The following FLT4 variants were observed in gnomAD, a reference collection of about 807,000 sequenced individuals.
The protein encoded by FLT4 is fms related receptor tyrosine kinase 4, also known as vascular endothelial growth factor receptor 3.
A neutral mutation model predicts 163.2 loss-of-function variants in FLT4; 30 were observed. The observed-to-expected ratio is 0.18, with a 90% CI of 0.14 to 0.25. FLT4 has a LOEUF of 0.25. Ranked by LOEUF, FLT4 falls within the 10% of genes least tolerant of loss-of-function variation. The probability of loss-of-function intolerance (pLI) is 1.00; values close to 1 mark genes in which losing one functional copy is unlikely to be tolerated. For synonymous variants in FLT4, 884 were observed against 789.5 expected (o/e 1.12, Z -2.01); for missense variants, 1,510 against 1,863.8 (o/e 0.81, Z 3.50).
rs1248121000 is a variant in FLT4 at position 180,612,305 on chromosome 5, G to A, written c.3537+201C>T. ...CACACAGCACCTGGAGCAGGCAGTG[G>A]AGCTGTGCAGCGGGTGTGTACTCAA... On this transcript the variant is annotated intron_variant, in intron 26 of 29. Coordinates refer to ENST00000261937, the MANE Select transcript of FLT4 (RefSeq NM_182925.5). The A allele has an allele frequency of 1.0e-5, 6 of 602,474 alleles. No individual in the cohort carries two copies. The Admixed American group carries it at 1.7e-4, about 17-fold the overall frequency. 37.3% of individuals were successfully genotyped at this position (602,474 alleles called of 1,614,324 possible). A position where few individuals can be genotyped will look rare whatever the true frequency, so the allele number is the denominator to read the frequency against.
intron 1 of FLT4, among the ~76,000 whole-genome samples, chr5:180,635,866 T>C (rs1764637237): frequency 8.2e-6 from 1 of 121,686 alleles, no homozygotes; most frequent in Non-Finnish European, 1.7e-5. Flanking sequence ...TATGGGTGGA[T>C]GGGTGGGTGG....
At chr5:180,629,859 C>G in intron 5 of FLT4, 24 bp from the exon 6 acceptor site, 1 of 1,612,598 alleles carries the variant, frequency 6.2e-7, no homozygotes, top group Admixed American at 1.7e-5. Context: ...CACAGTGACT[C>G]CCACGCCCTC....
chr5:180,611,057 A>G (rs961267290), intron 27 of FLT4, among the ~76,000 whole-genome samples: 1 of 152,158 alleles, frequency 6.6e-6, no homozygotes, highest in Admixed American at 6.5e-5. Context: ...ACTCCGTCTC[A>G]AAAAAATAAA....
Position 180,622,931 on chromosome 5 carries a change from C to CG in FLT4, c.1549-93_1549-92insC, listed in dbSNP as rs1039394975. 16 of 792,832 alleles carry CG rather than the reference C, an allele frequency of 2.0e-5. 1 individual carries two copies. The Middle Eastern group carries it at 1.9e-3, about 93-fold the overall frequency. The allele number at this position is 792,832 out of a possible 1,614,324, so 49.1% of individuals were successfully genotyped here. A position where few individuals can be genotyped will look rare whatever the true frequency, so the allele number is the denominator to read the frequency against. On this transcript the variant is annotated intron_variant, in intron 11 of 29. Coordinates refer to ENST00000261937, the MANE Select transcript of FLT4 (RefSeq NM_182925.5). ...TGCAAGGAGGTCGCTGTGCACCACC[C>CG]CCCCCAATCATGGGGGAAACTGAGG...
chr5:180,647,785 G>A (rs933330746), intron 1 of FLT4, among the ~76,000 whole-genome samples: 1 of 152,132 alleles, frequency 6.6e-6, no homozygotes, highest in East Asian at 1.9e-4. Context: ...CCTCTCCATG[G>A]GGCGCCCAAC....
chr5:180,631,318 A>C (rs1764122802), intron 2 of FLT4, among the ~76,000 whole-genome samples: 1 of 151,958 alleles, frequency 6.6e-6, no homozygotes, highest in Non-Finnish European at 1.5e-5. Context: ...CTACAAATAC[A>C]AAAAATTAGC....
At chr5:180,633,692 A>C (rs576771835) in intron 1 of FLT4, among the ~76,000 whole-genome samples, 1 of 152,296 alleles carries the variant, frequency 6.6e-6, no homozygotes, top group Admixed American at 6.5e-5. Context: ...AAGTAAGTCC[A>C]TGCCAGGAAG....
chr5:180,630,302 G>T lies in FLT4; in HGVS notation c.436C>A (p.Leu146Ile). The T allele has an allele frequency of 6.2e-7, 1 of 1,612,172 alleles. No homozygotes were observed. The highest frequency in any genetic ancestry group is 1.3e-5 in the African/African-American group (1 of 75,056). The change falls in exon 4 of 30, where the codon CTC becomes ATC. Residue 146 changes from leucine to isoleucine, a missense_variant. Around this residue, in one of 5 missense-constraint regions of FLT4, gnomAD observed 163 missense variants for 281.1 expected, o/e 0.58. Transcript: ENST00000261937. This position sits in a 1 kb window ranked among gnomAD's most constrained non-coding sequence, Gnocchi z 6.3. ...ATGGCGTCCTTCCTGTTGACCAAGA[G>T]CGTGTCAGGCTTGTTGATGAATGGC... ...EQPFINKPDT[L>I]LVNRKDAMWV...
At chr5:180,619,186 GC>G in intron 19 of FLT4, 66 bp downstream of exon 19, 5 of 1,305,376 alleles carry the variant, frequency 3.8e-6, no homozygotes, top group Non-Finnish European at 3.9e-6. Context: ...TTGCACCCGC[GC>G]CCCCTCCCGC....
intron 1 of FLT4, among the ~76,000 whole-genome samples, chr5:180,649,219 C>T (rs1167338572): frequency 6.6e-6 from 1 of 151,850 alleles, no homozygotes; most frequent in Non-Finnish European, 1.5e-5. Flanking sequence ...CCGACGGAGA[C>T]GCGGATTCAG....
At chr5:180,622,442 C>T (rs2127819320) in intron 12 of FLT4, among the ~76,000 whole-genome samples, 1 of 151,674 alleles carries the variant, frequency 6.6e-6, no homozygotes, top group African/African-American at 2.4e-5. Flanking sequence ...GGTCTCAGGG[C>T]TTGGGAAGGG....
In FLT4 at chr5:180,602,757, G is replaced by C. The variant is rs1286140457; in HGVS notation, c.*435C>G. On this transcript the variant is annotated 3_prime_UTR_variant, in exon 30 of 30. Transcript: ENST00000261937. Reference sequence around the variant, plus strand: ...GTAGCTGTGTGCCTGAGGAGGAAAGGGCGTTTGGGAGACCTCTGCTCTCGT... The same window carrying C: ...GTAGCTGTGTGCCTGAGGAGGAAAGCGCGTTTGGGAGACCTCTGCTCTCGT... The C allele has an allele frequency of 4.3e-6, 2 of 467,876 alleles. No individual in the cohort carries two copies. The highest frequency in any genetic ancestry group is 3.1e-5 in the East Asian group (1 of 31,872). 29.0% of individuals were successfully genotyped at this position (467,876 alleles called of 1,614,324 possible). A position where few individuals can be genotyped will look rare whatever the true frequency, so the allele number is the denominator to read the frequency against.
intron 1 of FLT4, among the ~76,000 whole-genome samples, chr5:180,634,951 G>T (rs867978530): frequency 1.6e-3 from 1 of 636 alleles, no homozygotes; most frequent in Admixed American, 0.019. Context: ...GATGCATGGA[G>T]GGAAGTATGG....
In FLT4 at chr5:180,620,873, G is replaced by C. The variant is rs2127813121; in HGVS notation, c.2299+3C>G. ...AGTTGAGGGGTGCAGCCTGAGGCCA[G>C]ACCTTCCACGGCCACGCTGGCGGAG... On this transcript the variant is annotated splice_donor_region_variant and intron_variant, in intron 15 of 29. Transcript: ENST00000261937. This position sits in a 1 kb window ranked among gnomAD's most constrained non-coding sequence, Gnocchi z 4.4. 1 of 1,609,738 alleles carries C rather than the reference G, an allele frequency of 6.2e-7. No individual in the cohort carries two copies. Among genetic ancestry groups the C allele is most frequent in the Non-Finnish European group, 8.5e-7 (1 of 1,178,790 alleles).
rs888968348 is a variant in FLT4, at chr5:180,612,719, C to T, written c.3432-108G>A. 5 of 794,400 alleles carry T rather than the reference C, an allele frequency of 6.3e-6. No individual in the cohort carries two copies. The African/African-American group carries it at 8.5e-5, about 13-fold the overall frequency. The allele number at this position is 794,400 out of a possible 1,614,324, so 49.2% of individuals were successfully genotyped here. ...CTCACCCACTCTGCCCTCCTCCTGA[C>T]ACGTCTCCCACTCTTGTCCAGCTAC... On this transcript the variant is annotated intron_variant, in intron 25 of 29. Transcript: ENST00000261937.
rs757457589 is a variant in FLT4 at position 180,629,786 on chromosome 5, C to G, written c.726G>C (p.Leu242=). The G allele has an allele frequency of 3.1e-6, 5 of 1,612,382 alleles. No homozygotes were observed. Among genetic ancestry groups the G allele is most frequent in the Non-Finnish European group, 4.2e-6 (5 of 1,179,860 alleles). ...IQLLPRKSLE[L]LVGEKLVLNC... Reference sequence around the variant, plus strand: ...TCAGGACCAGCTTCTCCCCTACCAGCAGCTCCAGCGACTTCCTGGGCAACA... The same window carrying G: ...TCAGGACCAGCTTCTCCCCTACCAGGAGCTCCAGCGACTTCCTGGGCAACA... Residue 242 remains leucine, a synonymous_variant, in exon 6 of 30, where the codon CTG becomes CTC. Coordinates refer to ENST00000261937, the MANE Select transcript of FLT4 (RefSeq NM_182925.5).
In FLT4 at chr5:180,626,263, T is replaced by C; in HGVS notation, c.1106A>G (p.Tyr369Cys). 1 of 1,612,084 alleles carries C rather than the reference T, an allele frequency of 6.2e-7. No individual in the cohort carries two copies. The highest frequency in any genetic ancestry group is 8.5e-7 in the Non-Finnish European group (1 of 1,179,964). ...AAYPPPEFQW[Y>C]KDGKALSGRH... ...CCCGGACAGTGCCTTTCCATCCTTG[T>C]ACCTGGCCAGGGAAGGGAGGTCAGG... Residue 369 changes from tyrosine to cysteine, a missense_variant and splice_region_variant, in exon 9 of 30, where the codon TAC becomes TGC. Coordinates refer to ENST00000261937, the MANE Select transcript of FLT4 (RefSeq NM_182925.5).
intron 28 of FLT4, 127 bp downstream of exon 28, chr5:180,609,777 TG>T: frequency 8.4e-7 from 1 of 1,190,010 alleles, no homozygotes; most frequent in Non-Finnish European, 1.2e-6. Flanking sequence ...AGGCTCACCC[TG>T]GACTTGCACT....
In FLT4 at chr5:180,612,995, C is replaced by A. The variant is rs1432917986; in HGVS notation, c.3431+16G>T. ...CTTGCTGTCCCCAAAACCTGCAGGG[C>A]CATGGGGAGGCTCACATGGCGGGAG... On this transcript the variant is annotated intron_variant, in intron 25 of 29. Transcript: ENST00000261937. 1 of 1,597,418 alleles carries A rather than the reference C, an allele frequency of 6.3e-7. No individual in the cohort carries two copies. Among genetic ancestry groups the A allele is most frequent in the East Asian group, 2.2e-5 (1 of 44,680 alleles).
Sources: gnomAD v4.1 joint callset for allele counts (sites outside exome capture counted in the v4.1 genomes callset) on GRCh38, gnomAD v4.1.1 for gene constraint, gnomAD v4.1.1 regional missense constraint, Gnocchi (gnomAD v3.1) non-coding constraint, MANE v1.5 for transcripts, NCBI Gene and HGNC (gene_info 2026-07-23, HGNC 2026-07-21) for gene names.